PALM2AKAP2: variants seen among roughly 807,000 people sequenced by gnomAD.
PALM2AKAP2 encodes the protein PALM2-AKAP2 fusion protein.
Under a neutral mutation model 71.5 loss-of-function variants are expected in PALM2AKAP2, and 37 were observed. That is an observed-to-expected ratio of 0.52 (90% CI 0.40 to 0.68). PALM2AKAP2 has a LOEUF of 0.68. PALM2AKAP2 is among the 30% of genes least tolerant of loss of function. PALM2AKAP2 has a pLI of 0.00. For missense variants in PALM2AKAP2, 1,224 were observed against 1,191.8 expected (o/e 1.03, Z -0.40); for synonymous variants, 468 against 478.8 (o/e 0.98, Z 0.29).
chr9:109,836,450 A>G (rs1434678351), intron 1 of PALM2AKAP2, among the ~76,000 whole-genome samples: 2 of 152,240 alleles, frequency 1.3e-5, no homozygotes, highest in African/African-American at 4.8e-5. Context: ...AGAAAACCTG[A>G]AAATTCTAAA....
chr9:109,869,872 G>T (rs1829559616), intron 2 of PALM2AKAP2, among the ~76,000 whole-genome samples: 2 of 152,198 alleles, frequency 1.3e-5, no homozygotes, highest in Non-Finnish European at 2.9e-5. Flanking sequence ...TGCAGGGCAG[G>T]AGGTGGGTGA....
chr9:110,157,530 C>G (rs1836488877), intron 3 of PALM2AKAP2, among the ~76,000 whole-genome samples: 1 of 152,116 alleles, frequency 6.6e-6, no homozygotes, highest in African/African-American at 2.4e-5. Flanking sequence ...TCCTGAATAG[C>G]TGGGACCACA....
intron 1 of PALM2AKAP2, among the ~76,000 whole-genome samples, chr9:109,857,151 C>A (rs973359430): frequency 6.6e-6 from 1 of 152,200 alleles, no homozygotes; most frequent in African/African-American, 2.4e-5. Flanking sequence ...CTGCCCCTTC[C>A]TCCTCCTGTC....
At chr9:109,984,041 A>G (rs745395907) in intron 6 of PALM2AKAP2, among the ~76,000 whole-genome samples, 14 of 152,216 alleles carry the variant, frequency 9.2e-5, no homozygotes, top group Admixed American at 2.6e-4. Flanking sequence ...AATAGTTCTG[A>G]TGAGATGCTA....
chr9:110,058,565 A>G (rs1833894365), intron 1 of PALM2AKAP2, among the ~76,000 whole-genome samples: 1 of 152,150 alleles, frequency 6.6e-6, no homozygotes, highest in Admixed American at 6.6e-5. Flanking sequence ...AGGAACGCAA[A>G]TAATGAATAA....
At chr9:109,755,477 T>C (rs954321572) in intron 1 of PALM2AKAP2, among the ~76,000 whole-genome samples, 2 of 152,106 alleles carry the variant, frequency 1.3e-5, no homozygotes, top group African/African-American at 4.8e-5. Flanking sequence ...ACCTTGTCAT[T>C]TGAGTATAGG....
intron 1 of PALM2AKAP2, among the ~76,000 whole-genome samples, chr9:109,747,886 G>A (rs1049169719): frequency 6.6e-6 from 1 of 152,122 alleles, no homozygotes; most frequent in Non-Finnish European, 1.5e-5. Flanking sequence ...GCCCAGGCTG[G>A]TCTTGAACTC....
intron 1 of PALM2AKAP2, among the ~76,000 whole-genome samples, chr9:109,771,396 T>A (rs1829259993): frequency 6.6e-6 from 1 of 152,084 alleles, no homozygotes; most frequent in Non-Finnish European, 1.5e-5. Flanking sequence ...GACGAACAGA[T>A]GAAGAAGGTG....
intron 3 of PALM2AKAP2, among the ~76,000 whole-genome samples, chr9:109,915,958 T>C (rs1465818081): frequency 6.6e-6 from 1 of 152,046 alleles, no homozygotes; most frequent in Non-Finnish European, 1.5e-5. Flanking sequence ...TGCTTTTTTT[T>C]TTTGAGATGG....
intron 6 of PALM2AKAP2, among the ~76,000 whole-genome samples, chr9:109,941,864 G>A (rs531313623): frequency 6.6e-6 from 1 of 152,316 alleles, no homozygotes; most frequent in African/African-American, 2.4e-5. Context: ...CTAGGGAAGA[G>A]GAAGTGAATG....
At chr9:109,982,245 A>G (rs898865075) in intron 6 of PALM2AKAP2, among the ~76,000 whole-genome samples, 1 of 152,212 alleles carries the variant, frequency 6.6e-6, no homozygotes, top group African/African-American at 2.4e-5. Context: ...AGGACTAAAA[A>G]TTAAAACAAT....
intron 6 of PALM2AKAP2, among the ~76,000 whole-genome samples, chr9:110,010,612 C>A (rs1258495607): frequency 2.7e-5 from 4 of 147,184 alleles, no homozygotes; most frequent in Admixed American, 6.8e-5. Context: ...TCCATATATT[C>A]TATTCTATTT....
At chr9:109,737,474 GA>G (rs371484008) in intron 1 of PALM2AKAP2, among the ~76,000 whole-genome samples, 2 of 152,220 alleles carry the variant, frequency 1.3e-5, no homozygotes, top group African/African-American at 4.8e-5. Flanking sequence ...TTTGGAAGAA[GA>G]GGCAAGTGAA....
chr9:109,800,465 G>C (rs919204174), intron 1 of PALM2AKAP2, among the ~76,000 whole-genome samples: 4 of 152,186 alleles, frequency 2.6e-5, no homozygotes, highest in African/African-American at 9.6e-5. Flanking sequence ...ACTCAGATCT[G>C]TCTGGCTCCA....
intron 7 of PALM2AKAP2, among the ~76,000 whole-genome samples, chr9:110,040,105 G>C (rs746456224): frequency 3.3e-5 from 5 of 152,140 alleles, no homozygotes; most frequent in Non-Finnish European, 7.3e-5. Context: ...TTTACTTAAT[G>C]AGTTGGAAAA....
chr9:109,960,450 C>T (rs1277928014), intron 6 of PALM2AKAP2, among the ~76,000 whole-genome samples: 1 of 152,196 alleles, frequency 6.6e-6, no homozygotes, highest in African/African-American at 2.4e-5. Flanking sequence ...GAGACACAGA[C>T]TTATAGACCA....
At chr9:110,154,835 C>A (rs1247122086) in intron 2 of PALM2AKAP2, among the ~76,000 whole-genome samples, 2 of 152,126 alleles carry the variant, frequency 1.3e-5, no homozygotes, top group Non-Finnish European at 2.9e-5. Flanking sequence ...AAGGGTGTAT[C>A]CTGCCAAACA....
chr9:110,156,415 G>C, exon 3 of PALM2AKAP2: 1 of 1,613,166 alleles, frequency 6.2e-7, no homozygotes, highest in Non-Finnish European at 8.5e-7. Context: ...GGAACCCAGC[G>C]GCCCAAGAAT....
intron 6 of PALM2AKAP2, among the ~76,000 whole-genome samples, chr9:109,988,622 C>T (rs566364294): frequency 3.5e-5 from 2 of 56,706 alleles, no homozygotes; most frequent in African/African-American, 5.0e-5. Flanking sequence ...AAGGAAGGAT[C>T]GAAGGGAGGG....
Sources: gnomAD v4.1 joint callset for allele counts (sites outside exome capture counted in the v4.1 genomes callset) on GRCh38, gnomAD v4.1.1 for gene constraint, MANE v1.5 for transcripts, NCBI Gene and HGNC (gene_info 2026-07-23, HGNC 2026-07-21) for gene names.